EBF1: variants seen among roughly 807,000 people sequenced by gnomAD.
EBF1 encodes the protein EBF transcription factor 1.
Under a neutral mutation model 68.4 loss-of-function variants are expected in EBF1, and 10 were observed. That is an observed-to-expected ratio of 0.15 (90% CI 0.09 to 0.25). The LOEUF (loss-of-function observed/expected upper bound fraction) is 0.25. Ranked by LOEUF, EBF1 falls within the 10% of genes least tolerant of loss-of-function variation. The probability of loss-of-function intolerance (pLI) is 1.00; values close to 1 mark genes in which losing one functional copy is unlikely to be tolerated. For missense variants in EBF1, 509 were observed against 794.4 expected (o/e 0.64, Z 4.32); for synonymous variants, 298 against 299.8 (o/e 0.99, Z 0.06).
Position 159,061,918 on chromosome 5 carries a change from T to G in EBF1, c.554+11478A>C, listed in dbSNP as rs913509610. ...TTCAATCTTGAGGAGAGCTTATTCT[T>G]TTATTATTTTTTGAATGCTACATTG... On this transcript the variant is annotated intron_variant, in intron 6 of 15. Transcript: ENST00000313708. 2.6e-5 allele frequency among the ~76,000 whole-genome samples: 4 copies of G among 152,288 alleles called. No homozygotes were observed. The East Asian group carries it at 7.7e-4, about 29-fold the overall frequency.
intron 6 of EBF1, among the ~76,000 whole-genome samples, chr5:159,005,808 G>T (rs1200275525): frequency 1.3e-5 from 2 of 152,144 alleles, no homozygotes; most frequent in African/African-American, 4.8e-5. Context: ...AATAAAAAAT[G>T]TTACAGCAAT....
intron 6 of EBF1, among the ~76,000 whole-genome samples, chr5:158,893,059 T>C (rs897202899): frequency 5.3e-5 from 8 of 151,324 alleles, no homozygotes; most frequent in African/African-American, 1.9e-4. Flanking sequence ...TTTCCATTAC[T>C]CACTCTCTGA....
In EBF1 at chr5:159,089,017, T is replaced by TA. The variant is rs1781184172; in HGVS notation, c.412-4279dup. 3.3e-5 allele frequency among the ~76,000 whole-genome samples: 5 copies of TA among 152,164 alleles called. No homozygotes were observed. The South Asian group carries it at 8.3e-4, about 25-fold the overall frequency. ...AACAACATTAACCTCATCTCAACTTTAAAAACCTGGTGAAATTGACAAACA... is the reference window on the plus strand; with the variant it reads ...AACAACATTAACCTCATCTCAACTTTAAAAAACCTGGTGAAATTGACAAACA... On this transcript the variant is annotated intron_variant, in intron 4 of 15. Transcript: ENST00000313708.
intron 6 of EBF1, among the ~76,000 whole-genome samples, chr5:158,961,918 G>C (rs1335122693): frequency 6.6e-6 from 1 of 152,218 alleles, no homozygotes; most frequent in Non-Finnish European, 1.5e-5. Context: ...TATTCCAGAT[G>C]AAACAGGGAA....
At chr5:158,891,210 C>G (rs1008345776) in intron 6 of EBF1, among the ~76,000 whole-genome samples, 2 of 152,294 alleles carry the variant, frequency 1.3e-5, no homozygotes, top group Admixed American at 6.5e-5. Flanking sequence ...CCCTATGTCT[C>G]TCTCTTGCCA....
intron 4 of EBF1, among the ~76,000 whole-genome samples, chr5:159,086,221 A>C (rs1283880761): frequency 6.6e-6 from 1 of 152,144 alleles, no homozygotes; most frequent in Non-Finnish European, 1.5e-5. Context: ...TTTTCTCTGT[A>C]GTTTTTTCTG....
intron 6 of EBF1, among the ~76,000 whole-genome samples, chr5:158,876,739 G>A (rs976431782): frequency 2.0e-5 from 3 of 152,264 alleles, no homozygotes; most frequent in East Asian, 1.9e-4. Context: ...CGAGTGAAAC[G>A]CCACCTACCG....
chr5:158,933,399 T>C (rs977402890), intron 6 of EBF1, among the ~76,000 whole-genome samples: 4 of 152,144 alleles, frequency 2.6e-5, no homozygotes, highest in Non-Finnish European at 4.4e-5. Flanking sequence ...CAGCTGGAGA[T>C]GAGGGGATCA....
intron 6 of EBF1, among the ~76,000 whole-genome samples, chr5:158,849,451 A>G (rs1026743070): frequency 1.3e-5 from 2 of 152,168 alleles, no homozygotes; most frequent in Admixed American, 6.5e-5. Context: ...CAGGTGCGGT[A>G]TAAATGTACT....
chr5:158,740,069 G>A (rs576131260), intron 10 of EBF1, among the ~76,000 whole-genome samples: 6 of 152,276 alleles, frequency 3.9e-5, no homozygotes, highest in African/African-American at 7.2e-5. Flanking sequence ...TGAAAAGGTC[G>A]CACAATAAGA....
chr5:158,831,567 A>T (rs1787575136), intron 7 of EBF1, among the ~76,000 whole-genome samples: 1 of 152,254 alleles, frequency 6.6e-6, no homozygotes, highest in African/African-American at 2.4e-5. Flanking sequence ...AAGAAAAAAT[A>T]AAATATCTTC....
intron 9 of EBF1, among the ~76,000 whole-genome samples, chr5:158,789,937 G>C (rs1196397043): frequency 2.0e-5 from 3 of 152,110 alleles, no homozygotes; most frequent in African/African-American, 7.2e-5. Flanking sequence ...AAGAAATGAA[G>C]GACTGCATTT....
chr5:158,942,801 T>C (rs1583350419), intron 6 of EBF1, among the ~76,000 whole-genome samples: 2 of 148,634 alleles, frequency 1.3e-5, no homozygotes, highest in African/African-American at 2.5e-5. Context: ...CAGAAGAGAA[T>C]AGTAGAAATG....
At chr5:158,867,519 C>A (rs771882115) in intron 6 of EBF1, among the ~76,000 whole-genome samples, 1 of 152,094 alleles carries the variant, frequency 6.6e-6, no homozygotes, top group Non-Finnish European at 1.5e-5. Context: ...CACTTTGGGT[C>A]TTTGCACACC....
chr5:158,723,290 T>TA (rs1197402739), intron 11 of EBF1, among the ~76,000 whole-genome samples: 2 of 152,148 alleles, frequency 1.3e-5, no homozygotes, highest in African/African-American at 2.4e-5. Flanking sequence ...CTTTTTTTCT[T>TA]AAAATCTCTT....
intron 6 of EBF1, among the ~76,000 whole-genome samples, chr5:158,951,714 C>A (rs146344372): frequency 6.6e-6 from 1 of 152,104 alleles, no homozygotes; most frequent in Non-Finnish European, 1.5e-5. Context: ...CTGATTGGGA[C>A]CAAGAGGGTG....
At chr5:158,703,347 C>A (rs1482760106) in intron 15 of EBF1, among the ~76,000 whole-genome samples, 1 of 152,126 alleles carries the variant, frequency 6.6e-6, no homozygotes, top group Admixed American at 6.5e-5. Context: ...AATATAGTTG[C>A]ATTTTCCAAA....
At chr5:158,903,712 G>A (rs1173040598) in intron 6 of EBF1, among the ~76,000 whole-genome samples, 2 of 152,144 alleles carry the variant, frequency 1.3e-5, no homozygotes, top group South Asian at 2.1e-4. Flanking sequence ...GAGTTGAAGA[G>A]TCAAGAAGGG....
At chr5:158,960,513 T>C (rs1015472673) in intron 6 of EBF1, among the ~76,000 whole-genome samples, 4 of 152,306 alleles carry the variant, frequency 2.6e-5, no homozygotes, top group African/African-American at 9.6e-5. Flanking sequence ...ATTAAAATTG[T>C]ACATCTCTGT....
Sources: gnomAD v4.1 joint callset for allele counts (sites outside exome capture counted in the v4.1 genomes callset) on GRCh38, gnomAD v4.1.1 for gene constraint, MANE v1.5 for transcripts, NCBI Gene and HGNC (gene_info 2026-07-23, HGNC 2026-07-21) for gene names.